DMBX1: variants seen among roughly 807,000 people sequenced by gnomAD.
DMBX1 encodes diencephalon/mesencephalon homeobox protein 1.
Under a neutral mutation model 30.4 loss-of-function variants are expected in DMBX1, and 7 were observed. The ratio of observed to expected loss-of-function variants is 0.23; its 90% CI spans 0.13 to 0.43. The LOEUF (loss-of-function observed/expected upper bound fraction) is 0.43, where lower values mean the gene tolerates loss of function less well. Ranked by LOEUF, DMBX1 falls within the 20% of genes least tolerant of loss-of-function variation. DMBX1 has a pLI of 1.00. For synonymous variants in DMBX1, 222 were observed against 214.2 expected, an observed-to-expected ratio of 1.04 and a Z score of -0.32; for missense variants, 460 against 508.5, an observed-to-expected ratio of 0.90 and a Z score of 0.92.
Position 46,512,532 on chromosome 1 carries a change from C to T in DMBX1, c.*38C>T, listed in dbSNP as rs1301177896. On this transcript the variant is annotated 3_prime_UTR_variant, in exon 6 of 6. Transcript: ENST00000360032. The surrounding 1 kb of genome is among the most constrained non-coding windows in gnomAD (Gnocchi z 4.8). ...CAACCCAGCCAGGGGTCTTAGGTGTCCCCTCCTAGCCCTGTGGTTATCCCT... is the reference window on the plus strand; with the variant it reads ...CAACCCAGCCAGGGGTCTTAGGTGTTCCCTCCTAGCCCTGTGGTTATCCCT... 1.3e-6 allele frequency: 2 copies of T among 1,568,000 alleles called. No homozygotes were observed. The highest frequency in any genetic ancestry group is 1.7e-6 in the Non-Finnish European group (2 of 1,155,088).
chr1:46,496,728 A>C (rs1251346149), intron 2 of DMBX1, among the ~76,000 whole-genome samples: 1 of 152,118 alleles, frequency 6.6e-6, no homozygotes, highest in Non-Finnish European at 1.5e-5. Context: ...CCTGGGTTAC[A>C]CACTTCTCAT....
In DMBX1 at chr1:46,493,959, C is replaced by T. The variant is rs1665980976; in HGVS notation, c.-13+3176C>T. On this transcript the variant is annotated intron_variant, in intron 2 of 5. Coordinates refer to ENST00000360032, the MANE Select transcript of DMBX1 (RefSeq NM_172225.2). The surrounding 1 kb of genome is among the most constrained non-coding windows in gnomAD (Gnocchi z 4.1). The stretch of plus-strand genomic sequence containing the variant: ...ATGGCCAAAAGTGGACCAGGTCATC[C>T]CTGACAGACTTTGGGCCAAGGCTAA... Among the ~76,000 whole-genome samples, 1 of 152,202 alleles carries T rather than the reference C, an allele frequency of 6.6e-6. No homozygotes were observed. The highest frequency in any genetic ancestry group is 1.5e-5 in the Non-Finnish European group (1 of 68,032).
rs151117979 is a variant in DMBX1 at position 46,511,105 on chromosome 1, C to T, written c.504C>T (p.Ser168=). The T allele has an allele frequency of 9.7e-5, 157 of 1,614,012 alleles. No individual in the cohort carries two copies. The African/African-American group carries it at 1.9e-3, about 20-fold the overall frequency. The change falls in exon 5 of 6, where the codon AGC becomes AGT. Residue 168 remains serine (S), a synonymous_variant. Coordinates refer to ENST00000360032, the MANE Select transcript of DMBX1 (RefSeq NM_172225.2). The part of the protein sequence containing the change: ...DTEQPPRLPG[S]DPPAELHLSL... ...AGCAGCCCCCACGTCTGCCTGGCAG[C>T]GACCCCCCTGCTGAGCTTCACCTGA...
intron 5 of DMBX1, 110 bp from the exon 6 acceptor site, chr1:46,511,933 G>A (rs888417668): frequency 1.3e-5 from 14 of 1,116,712 alleles, no homozygotes; most frequent in East Asian, 4.7e-5. Context: ...GGTTTCAGCC[G>A]AAGCCTGTCT....
intron 3 of DMBX1, among the ~76,000 whole-genome samples, chr1:46,507,448 T>A (rs561743953): frequency 1.3e-5 from 2 of 152,228 alleles, no homozygotes; most frequent in South Asian, 4.1e-4. Context: ...ATCTCACAGA[T>A]GAAGAAATGA....
chr1:46,503,470 T>C (rs12067566), intron 2 of DMBX1, among the ~76,000 whole-genome samples: 4,055 of 152,314 alleles, frequency 0.027, 171 homozygotes, highest in African/African-American at 0.092. Context: ...TGAATATGTG[T>C]AATATACAAA....
At chr1:46,494,792 T>G (rs1665998343) in intron 2 of DMBX1, among the ~76,000 whole-genome samples, 1 of 152,150 alleles carries the variant, frequency 6.6e-6, no homozygotes, top group African/African-American at 2.4e-5. Flanking sequence ...CAGGTTCACT[T>G]TGGGGGCCCT....
At chr1:46,511,903 G>T (rs1456173539) in intron 5 of DMBX1, 140 bp from the exon 6 acceptor site, 4 of 873,116 alleles carry the variant, frequency 4.6e-6, no homozygotes, top group African/African-American at 3.4e-5. Flanking sequence ...GGGATGCTCT[G>T]GCTGAGATGG....
intron 2 of DMBX1, among the ~76,000 whole-genome samples, chr1:46,505,173 A>C: frequency 7.2e-6 from 1 of 139,582 alleles, no homozygotes; most frequent in Non-Finnish European, 1.5e-5. Context: ...TAGTTCAACC[A>C]TTGTGGAAGT....
At chr1:46,495,457 C>T (rs1467347320) in intron 2 of DMBX1, among the ~76,000 whole-genome samples, 1 of 152,174 alleles carries the variant, frequency 6.6e-6, no homozygotes. Flanking sequence ...GATTTTACTT[C>T]TCTGGGTCTC....
In DMBX1 at chr1:46,512,232, C is replaced by T. The variant is rs1000538156; in HGVS notation, c.872C>T (p.Ala291Val). Residue 291 changes from alanine (A) to valine (V), a missense_variant, in exon 6 of 6, where the codon GCA becomes GTA. Coordinates refer to ENST00000360032, the MANE Select transcript of DMBX1 (RefSeq NM_172225.2). This position sits in a 1 kb window ranked among gnomAD's most constrained non-coding sequence, Gnocchi z 4.8. ...FEVGGPAPAAAAAAAAVPYLG... is the reference protein window; with the variant it reads ...FEVGGPAPAAVAAAAAVPYLG... ...GTAGGGGGTCCGGCCCCTGCTGCTG[C>T]AGCGGCGGCTGCTGCTGTGCCCTAC... The T allele has an allele frequency of 6.2e-7, 1 of 1,613,846 alleles. No homozygotes were observed. The highest frequency in any genetic ancestry group is 8.5e-7 in the Non-Finnish European group (1 of 1,179,936).
intron 2 of DMBX1, among the ~76,000 whole-genome samples, chr1:46,504,788 CT>C (rs1212456561): frequency 6.6e-6 from 1 of 150,912 alleles, no homozygotes. Context: ...GGCATTGAAT[CT>C]GTAAATTACC....
Position 46,510,991 on chromosome 1 carries a change from G to A in DMBX1, c.390G>A (p.Lys130=). Residue 130 remains lysine (K), a synonymous_variant, in exon 5 of 6, where the codon AAG becomes AAA. Transcript: ENST00000360032. The surrounding 1 kb of genome is among the most constrained non-coding windows in gnomAD (Gnocchi z 4.1). ...GGAAGAAGCAGCGTAGCCTGCAGAA[G>A]GAACAGCTCCAGAAGCAGAAGGAGG... ...KFRKKQRSLQ[K]EQLQKQKEAE... The A allele has an allele frequency of 6.2e-7, 1 of 1,613,742 alleles. No homozygotes were observed. Among genetic ancestry groups the A allele is most frequent in the Non-Finnish European group, 8.5e-7 (1 of 1,179,854 alleles).
chr1:46,510,399 C>G lies in DMBX1; in HGVS notation c.155-77C>G. On this transcript the variant is annotated intron_variant, in intron 3 of 5. Transcript: ENST00000360032. This position sits in a 1 kb window ranked among gnomAD's most constrained non-coding sequence, Gnocchi z 4.1. ...CCTGGGTGTCCACAGTGGGTCAGAG[C>G]AGGATAAGATTCAAAGCTATTTCCC... The G allele has an allele frequency of 6.6e-7, 1 of 1,522,726 alleles. No individual in the cohort carries two copies. The highest frequency in any genetic ancestry group is 8.8e-7 in the Non-Finnish European group (1 of 1,134,764). 94.3% of individuals were successfully genotyped at this position (1,522,726 alleles called of 1,614,324 possible). A position where few individuals can be genotyped will look rare whatever the true frequency, so the allele number is the denominator to read the frequency against.
chr1:46,511,418 C>T (rs978564844), intron 5 of DMBX1, 135 bp downstream of exon 5: 9 of 1,043,654 alleles, frequency 8.6e-6, no homozygotes, highest in African/African-American at 6.4e-5. Flanking sequence ...AGGCCTGGGC[C>T]AGGTTTTCAC....
Position 46,513,155 on chromosome 1 carries a change from C to T in DMBX1, c.*661C>T, listed in dbSNP as rs1332679629. 3.3e-5 allele frequency: 5 copies of T among 152,718 alleles called. No homozygotes were observed. Among genetic ancestry groups the T allele is most frequent in the Admixed American group, 2.6e-4 (4 of 15,288 alleles). The allele number at this position is 152,718 out of a possible 1,614,324, so 9.5% of individuals were successfully genotyped here. A position where few individuals can be genotyped will look rare whatever the true frequency, so the allele number is the denominator to read the frequency against. The stretch of plus-strand genomic sequence containing the variant: ...TTGGTGTTGGCTGTGTTGGTATCAT[C>T]AGTTCTTGAGCTATATTTTGTTTGG... On this transcript the variant is annotated 3_prime_UTR_variant, in exon 6 of 6. Transcript: ENST00000360032.
chr1:46,501,282 T>G (rs942566302), intron 2 of DMBX1, among the ~76,000 whole-genome samples: 2 of 149,178 alleles, frequency 1.3e-5, no homozygotes, highest in Non-Finnish European at 3.0e-5. Context: ...CTTCTTTCTT[T>G]CTTTCCTTCT....
At chr1:46,511,356 G>A in intron 5 of DMBX1, 73 bp downstream of exon 5, 1 of 1,391,808 alleles carries the variant, frequency 7.2e-7, no homozygotes, top group Admixed American at 2.7e-5. Flanking sequence ...TCAGAGGCGA[G>A]TAATCAACTG....
In DMBX1 at chr1:46,514,444, G is replaced by T. The variant is rs561375149; in HGVS notation, c.*1950G>T. On this transcript the variant is annotated 3_prime_UTR_variant, in exon 6 of 6. Transcript: ENST00000360032. ...TACTATTGCCTTTCTGTGGAGCAAG[G>T]GGTGTTGTACACACAAGCCTCACTG... 2.0e-5 allele frequency among the ~76,000 whole-genome samples: 3 copies of T among 152,186 alleles called. No individual in the cohort carries two copies. In the South Asian group the frequency reaches 6.2e-4, roughly 32 times the overall value.
Sources: gnomAD v4.1 joint callset for allele counts (sites outside exome capture counted in the v4.1 genomes callset) on GRCh38, gnomAD v4.1.1 for gene constraint, Gnocchi (gnomAD v3.1) non-coding constraint, MANE v1.5 for transcripts, NCBI Gene and HGNC (gene_info 2026-07-23, HGNC 2026-07-21) for gene names.